Variants in HOXD1 observed in about 807,000 individuals in gnomAD.
HOXD1 encodes the protein homeobox protein Hox-D1.
HOXD1 carries 17 observed loss-of-function variants against 19.9 expected under a neutral mutation model. The observed-to-expected ratio is 0.85, with a 90% CI of 0.58 to 1.28. HOXD1 has a LOEUF of 1.28. Among genes scored for constraint, HOXD1 ranks in the 50% most tolerant of loss-of-function variants. HOXD1 has a pLI of 0.00. For missense variants in HOXD1, 500 were observed against 460.1 expected (o/e 1.09, Z -0.79); for synonymous variants, 239 against 216.0 (o/e 1.11, Z -0.93).
chr2:176,189,184 G>C lies in HOXD1; in HGVS notation c.383G>C (p.Gly128Ala). Residue 128 changes from glycine (G) to alanine (A), a missense_variant, in exon 1 of 2, where the codon GGC becomes GCC. Transcript: ENST00000331462. ...GTGCTGGGGCGGGCGGCCGACGACGGCGGGTCTCACGTCCACTACGCCACC... is the reference window on the plus strand; with the variant it reads ...GTGCTGGGGCGGGCGGCCGACGACGCCGGGTCTCACGTCCACTACGCCACC... Reference protein sequence around the residue: ...PGVLGRAADDGGSHVHYATSA... With the variant: ...PGVLGRAADDAGSHVHYATSA... The C allele has an allele frequency of 6.4e-7, 1 of 1,570,178 alleles. No homozygotes were observed. The highest frequency in any genetic ancestry group is 1.2e-5 in the South Asian group (1 of 85,606).
rs1165817676 is a variant in HOXD1, at chr2:176,190,134, C to T, written c.979C>T (p.Pro327Ser). The change falls in exon 2 of 2, where the codon CCT becomes TCT. Residue 327 changes from proline to serine, a missense_variant. By Grantham distance (74) the Pro-to-Ser change is moderately conservative. Transcript: ENST00000331462. ...CGGCAGCCCTTCTCAGTCCCAAGAG[C>T]CTTCGTGAGGCCGGTACTTGGGGCC... ...NPGSPSQSQE[P>S]S is the part of the protein sequence containing the mutation. 1.3e-6 allele frequency: 2 copies of T among 1,593,996 alleles called. No homozygotes were observed. Among genetic ancestry groups the T allele is most frequent in the Non-Finnish European group, 1.7e-6 (2 of 1,169,722 alleles).
rs747525236 is a variant in HOXD1, at chr2:176,189,982, G to A, written c.827G>A (p.Trp276Ter). The A allele has an allele frequency of 3.7e-6, 6 of 1,614,056 alleles. No individual in the cohort carries two copies. In the South Asian group the frequency reaches 5.5e-5, roughly 15 times the overall value. Residue 276 changes from tryptophan (W) to a stop codon, truncating the protein, a stop_gained, in exon 2 of 2, where the codon TGG becomes TAG. Transcript: ENST00000331462. LOFTEE classifies it high-confidence loss of function. ...LHLNDTQVKI[W>*]FQNRRMKQKK... is the part of the protein sequence containing the mutation. ...CTGAATGACACGCAAGTCAAAATCT[G>A]GTTCCAGAACCGCAGGATGAAACAG...
Position 176,190,233 on chromosome 2 carries a change from A to T in HOXD1, c.*91A>T. On this transcript the variant is annotated 3_prime_UTR_variant, in exon 2 of 2. Coordinates refer to ENST00000331462, the MANE Select transcript of HOXD1 (RefSeq NM_024501.3). ...GACTTAGGAGCTCAGTTTGGGATGGAGGTGGGAGAACAAAAATGAATAGGG... is the reference window on the plus strand; with the variant it reads ...GACTTAGGAGCTCAGTTTGGGATGGTGGTGGGAGAACAAAAATGAATAGGG... 1.2e-6 allele frequency: 1 copy of T among 837,474 alleles called. No homozygotes were observed. Among genetic ancestry groups the T allele is most frequent in the Non-Finnish European group, 1.9e-6 (1 of 523,396 alleles). The allele number at this position is 837,474 out of a possible 1,614,324, so 51.9% of individuals were successfully genotyped here.
rs1051690330 is a variant in HOXD1 at position 176,190,215 on chromosome 2, G to A, written c.*73G>A. 2.5e-5 allele frequency: 26 copies of A among 1,042,160 alleles called. 1 individual carries two copies. In the Admixed American group the frequency reaches 4.4e-4, roughly 18 times the overall value. The allele number at this position is 1,042,160 out of a possible 1,614,324, so 64.6% of individuals were successfully genotyped here. ...GACCCCCATCCCTATCTAGACTTAG[G>A]AGCTCAGTTTGGGATGGAGGTGGGA... On this transcript the variant is annotated 3_prime_UTR_variant, in exon 2 of 2. Transcript: ENST00000331462.
rs923402660 is a variant in HOXD1 at position 176,189,012 on chromosome 2, C to A, written c.211C>A (p.Arg71=). 2 of 1,416,984 alleles carry A rather than the reference C, an allele frequency of 1.4e-6. No homozygotes were observed. The highest frequency in any genetic ancestry group is 3.3e-5 in the Admixed American group (1 of 29,864). The allele number at this position is 1,416,984 out of a possible 1,614,324, so 87.8% of individuals were successfully genotyped here. A position where few individuals can be genotyped will look rare whatever the true frequency, so the allele number is the denominator to read the frequency against. ...PSPSPPAAPA[R]PSVPPPAAPQ... ...GCCTTCGCCCCCGGCCGCCCCCGCG[C>A]GGCCGTCCGTACCGCCTCCGGCCGC... is the stretch of plus-strand genomic sequence containing the variant. Residue 71 remains arginine (R), a synonymous_variant, in exon 1 of 2, where the codon CGG becomes AGG. Coordinates refer to ENST00000331462, the MANE Select transcript of HOXD1 (RefSeq NM_024501.3).
Position 176,189,416 on chromosome 2 carries a change from C to T in HOXD1, c.615C>T (p.Phe205=), listed in dbSNP as rs750487671. The stretch of plus-strand genomic sequence containing the variant: ...GCCTCCCTGCCGCCTTCAGCACGTT[C>T]GAGTGGATGAAAGTGAAGAGGAATG... ...ASGLPAAFST[F]EWMKVKRNAS... is the part of the protein sequence containing the mutation. Residue 205 remains phenylalanine, a synonymous_variant, in exon 1 of 2, where the codon TTC becomes TTT. Coordinates refer to ENST00000331462, the MANE Select transcript of HOXD1 (RefSeq NM_024501.3). The T allele has an allele frequency of 1.2e-6, 2 of 1,612,990 alleles. No individual in the cohort carries two copies. The highest frequency in any genetic ancestry group is 1.1e-5 in the South Asian group (1 of 91,060).
Position 176,189,239 on chromosome 2 carries a change from C to T in HOXD1, c.438C>T (p.Phe146=), listed in dbSNP as rs1691738600. 6.3e-7 allele frequency: 1 copy of T among 1,595,676 alleles called. No individual in the cohort carries two copies. Among genetic ancestry groups the T allele is most frequent in the Non-Finnish European group, 8.5e-7 (1 of 1,172,110 alleles). ...TSAVFSGGGS[F]LLSGQVDYAA... ...CCGTCTTCTCGGGCGGCGGCTCTTT[C>T]CTCCTCAGCGGCCAGGTGGATTACG... The change falls in exon 1 of 2, where the codon TTC becomes TTT. Residue 146 remains phenylalanine (F), a synonymous_variant. Transcript: ENST00000331462.
In HOXD1 at chr2:176,189,048, G is replaced by C. The variant is rs1691731110; in HGVS notation, c.247G>C (p.Ala83Pro). Residue 83 changes from alanine to proline, a missense_variant, in exon 1 of 2, where the codon GCG (alanine) becomes CCG (proline). Coordinates refer to ENST00000331462, the MANE Select transcript of HOXD1 (RefSeq NM_024501.3). ...ACCGCCTCCGGCCGCGCCCCAGTAC[G>C]CGCAGTGCACCCTGGAGGGGGCCTA... is the stretch of plus-strand genomic sequence containing the variant. Reference protein sequence around the residue: ...SVPPPAAPQYAQCTLEGAYEP... With the variant: ...SVPPPAAPQYPQCTLEGAYEP... 2 of 1,439,276 alleles carry C rather than the reference G, an allele frequency of 1.4e-6. No homozygotes were observed. Among genetic ancestry groups the C allele is most frequent in the Non-Finnish European group, 9.0e-7 (1 of 1,111,088 alleles). 89.2% of individuals were successfully genotyped at this position (1,439,276 alleles called of 1,614,324 possible).
rs755059973 is a variant in HOXD1 at position 176,189,983 on chromosome 2, G to T, written c.828G>T (p.Trp276Cys). The change falls in exon 2 of 2, where the codon TGG becomes TGT. Residue 276 changes from tryptophan to cysteine, a missense_variant. By Grantham distance (215) the Trp-to-Cys change is radical. Coordinates refer to ENST00000331462, the MANE Select transcript of HOXD1 (RefSeq NM_024501.3). ...LHLNDTQVKIWFQNRRMKQKK... is the reference protein window; with the variant it reads ...LHLNDTQVKICFQNRRMKQKK... Reference sequence around the variant, plus strand: ...TGAATGACACGCAAGTCAAAATCTGGTTCCAGAACCGCAGGATGAAACAGA... The same window carrying T: ...TGAATGACACGCAAGTCAAAATCTGTTTCCAGAACCGCAGGATGAAACAGA... The T allele has an allele frequency of 6.2e-7, 1 of 1,614,134 alleles. No homozygotes were observed.
In HOXD1 at chr2:176,189,976, A is replaced by T; in HGVS notation, c.821A>T (p.Lys274Ile). ...TTGCACCTGAATGACACGCAAGTCA[A>T]AATCTGGTTCCAGAACCGCAGGATG... Reference protein sequence around the residue: ...NCLHLNDTQVKIWFQNRRMKQ... With the variant: ...NCLHLNDTQVIIWFQNRRMKQ... The change falls in exon 2 of 2, where the codon AAA (lysine) becomes ATA (isoleucine). Residue 274 changes from lysine (K) to isoleucine (I), a missense_variant. By Grantham distance (102) the Lys-to-Ile change is moderately radical. Coordinates refer to ENST00000331462, the MANE Select transcript of HOXD1 (RefSeq NM_024501.3). The T allele has an allele frequency of 6.2e-7, 1 of 1,614,194 alleles. No individual in the cohort carries two copies. Among genetic ancestry groups the T allele is most frequent in the Non-Finnish European group, 8.5e-7 (1 of 1,180,036 alleles).
rs757348869 is a variant in HOXD1 at position 176,189,350 on chromosome 2, G to A, written c.549G>A (p.Pro183=). ...CTGGTGCTTTCCAGACCGCATCCCCGGCCCCAGGCACCTACCCCAAGTCCG... is the reference window on the plus strand; with the variant it reads ...CTGGTGCTTTCCAGACCGCATCCCCAGCCCCAGGCACCTACCCCAAGTCCG... ...GHPGAFQTAS[P]APGTYPKSVS... The change falls in exon 1 of 2, where the codon CCG becomes CCA. Residue 183 remains proline (P), a synonymous_variant. Transcript: ENST00000331462. 2.5e-5 allele frequency: 41 copies of A among 1,612,672 alleles called. No homozygotes were observed. The highest frequency in any genetic ancestry group is 3.4e-5 in the Non-Finnish European group (40 of 1,179,906).
chr2:176,189,607 C>T, intron 1 of HOXD1, 154 bp downstream of exon 1: 3 of 1,564,604 alleles, frequency 1.9e-6, no homozygotes, highest in Non-Finnish European at 2.6e-6. Flanking sequence ...TGGAGTCTGC[C>T]TCGAGTACAG....
rs1184052336 is a variant in HOXD1, at chr2:176,189,423, A to ATTT, written c.623_624insTTT (p.Met208delinsIleLeu). The ATTT allele has an allele frequency of 6.2e-7, 1 of 1,612,632 alleles. No individual in the cohort carries two copies. Among genetic ancestry groups the ATTT allele is most frequent in the Admixed American group, 1.7e-5 (1 of 59,994 alleles). On this transcript the variant is annotated protein_altering_variant, in exon 1 of 2. Transcript: ENST00000331462. ...TGCCGCCTTCAGCACGTTCGAGTGG[A>ATTT]TGAAAGTGAAGAGGAATGCCTCTAA...
Position 176,188,855 on chromosome 2 carries a change from C to T in HOXD1, c.54C>T (p.Gly18=), listed in dbSNP as rs1360550000. The T allele has an allele frequency of 1.9e-6, 3 of 1,604,012 alleles. No homozygotes were observed. The highest frequency in any genetic ancestry group is 1.3e-5 in the African/African-American group (1 of 74,468). ...GCAGCAGCAGCGGCGGGGTCGGCGGCGACGTGCTCAGCTTGGCACCCAAGT... is the reference window on the plus strand; with the variant it reads ...GCAGCAGCAGCGGCGGGGTCGGCGGTGACGTGCTCAGCTTGGCACCCAAGT... ...VSCSSSGGVG[G]DVLSLAPKFC... Residue 18 remains glycine, a synonymous_variant, in exon 1 of 2, where the codon GGC becomes GGT. Transcript: ENST00000331462.
Position 176,190,107 on chromosome 2 carries a change from C to T in HOXD1, c.952C>T (p.Pro318Ser). Reference sequence around the variant, plus strand: ...AACCCCCACTAAGTTTATCAAGAACCCCGGCAGCCCTTCTCAGTCCCAAGA... The same window carrying T: ...AACCCCCACTAAGTTTATCAAGAACTCCGGCAGCCCTTCTCAGTCCCAAGA... The part of the protein sequence containing the change: ...GTTPTKFIKN[P>S]GSPSQSQEPS Residue 318 changes from proline (P) to serine (S), a missense_variant, in exon 2 of 2, where the codon CCC becomes TCC. Physicochemically the swap from Pro to Ser is moderately conservative, Grantham distance 74. Transcript: ENST00000331462. 1.2e-6 allele frequency: 2 copies of T among 1,612,968 alleles called. No individual in the cohort carries two copies. The highest frequency in any genetic ancestry group is 1.7e-6 in the Non-Finnish European group (2 of 1,179,386).
chr2:176,188,800 C>A lies in HOXD1; in HGVS notation c.-2C>A, dbSNP rs1315115824. ...CGCCCTCAGAAAGGTGGGGCCCGAA[C>A]CATGAGCTCCTACCTGGAGTACGTG... On this transcript the variant is annotated 5_prime_UTR_variant, in exon 1 of 2. Transcript: ENST00000331462. 1.2e-6 allele frequency: 2 copies of A among 1,607,784 alleles called. No homozygotes were observed. The highest frequency in any genetic ancestry group is 1.7e-6 in the Non-Finnish European group (2 of 1,177,870).
At chr2:176,189,495 A>G in intron 1 of HOXD1, 42 bp downstream of exon 1, 1 of 1,612,412 alleles carries the variant, frequency 6.2e-7, no homozygotes, top group South Asian at 1.1e-5. Flanking sequence ...GGGGTTGGGG[A>G]CGGAGCCTCC....
intron 1 of HOXD1, 150 bp from the exon 2 acceptor site, chr2:176,189,658 G>C (rs764000477): frequency 2.5e-6 from 4 of 1,579,638 alleles, no homozygotes; most frequent in Non-Finnish European, 3.4e-6. Context: ...TTTCAGGAAG[G>C]AGCTCTCCGT....
At position 176,189,610 on chromosome 2, in the gene HOXD1, G is replaced by C. The variant is rs1461253467; in HGVS notation, c.652+157G>C. ...GGGCGAATTCCATGGAGTCTGCCTCGAGTACAGATTCGGAAAATGTGCCAG... is the reference window on the plus strand; with the variant it reads ...GGGCGAATTCCATGGAGTCTGCCTCCAGTACAGATTCGGAAAATGTGCCAG... On this transcript the variant is annotated intron_variant, in intron 1 of 1. Transcript: ENST00000331462. 3.2e-6 allele frequency: 5 copies of C among 1,563,992 alleles called. No homozygotes were observed. In the South Asian group the frequency reaches 5.9e-5, roughly 18 times the overall value.
Sources: allele counts gnomAD v4.1 joint callset, GRCh38; gene constraint gnomAD v4.1.1; transcripts MANE v1.5; gene names NCBI Gene and HGNC (gene_info 2026-07-23, HGNC 2026-07-21).